PCCA: variants seen among roughly 807,000 people sequenced by gnomAD.
PCCA encodes propionyl-CoA carboxylase subunit alpha, also known as propionyl-CoA carboxylase alpha chain, mitochondrial.
In PCCA, 74 loss-of-function variants were observed where a neutral mutation model predicts 101.3. The observed-to-expected ratio is 0.73, with a 90% CI of 0.61 to 0.89. The LOEUF (loss-of-function observed/expected upper bound fraction) is 0.89, where lower values mean the gene tolerates loss of function less well. Among genes scored for constraint, PCCA ranks in the 40% least tolerant of loss-of-function variants. The pLI, the probability that PCCA is intolerant of heterozygous loss-of-function variation, is 0.00. For missense variants in PCCA, 891 were observed against 907.0 expected (o/e 0.98, Z 0.23); for synonymous variants, 294 against 313.6 (o/e 0.94, Z 0.66).
At chr13:100,218,307 G>T (rs1397002401) in intron 7 of PCCA, among the ~76,000 whole-genome samples, 5 of 151,220 alleles carry the variant, frequency 3.3e-5, no homozygotes, top group Non-Finnish European at 7.4e-5. Flanking sequence ...AAGTAGCTGG[G>T]ATTACAGGCA....
At position 100,181,461 on chromosome 13, in the gene PCCA, C is replaced by T. The variant is rs74872525; in HGVS notation, c.468+24121C>T. Among the ~76,000 whole-genome samples the T allele has an allele frequency of 2.6e-4, 40 of 152,216 alleles. 1 individual carries two copies. In the East Asian group the frequency reaches 5.6e-3, roughly 21 times the overall value. On this transcript the variant is annotated intron_variant, in intron 6 of 23. Transcript: ENST00000376285. ...ACAGGGTGTTGCTCTGCCGCCTAGC[C>T]GGCCAGGCTAGAGTGTGGTAGGGTG...
chr13:100,115,116 G>A (rs190853592), intron 4 of PCCA, among the ~76,000 whole-genome samples: 7 of 152,274 alleles, frequency 4.6e-5, no homozygotes, highest in African/African-American at 1.7e-4. Flanking sequence ...CTTGTCATTT[G>A]CAATAGCATG....
intron 1 of PCCA, 147 bp downstream of exon 1, chr13:100,089,372 C>A: frequency 8.8e-7 from 1 of 1,138,460 alleles, no homozygotes; most frequent in Non-Finnish European, 1.1e-6. Flanking sequence ...TGCTTTCCTC[C>A]CTCCCGGAGT....
At chr13:100,484,729 T>C (rs1397161717) in intron 21 of PCCA, among the ~76,000 whole-genome samples, 1 of 152,180 alleles carries the variant, frequency 6.6e-6, no homozygotes, top group Non-Finnish European at 1.5e-5. Context: ...AAAGAAACCA[T>C]TGTTTTTTCC....
intron 18 of PCCA, among the ~76,000 whole-genome samples, chr13:100,362,108 A>C (rs541282119): frequency 6.6e-6 from 1 of 152,292 alleles, no homozygotes; most frequent in Admixed American, 6.5e-5. Flanking sequence ...GATGCACCTC[A>C]AAAACATTAT....
intron 19 of PCCA, among the ~76,000 whole-genome samples, chr13:100,400,594 G>A (rs2077280313): frequency 7.0e-6 from 1 of 142,274 alleles, no homozygotes; most frequent in South Asian, 2.3e-4. Context: ...ATAATTTTAG[G>A]TGTAATATGA....
intron 19 of PCCA, among the ~76,000 whole-genome samples, chr13:100,386,855 G>A (rs1232817413): frequency 6.6e-6 from 1 of 152,208 alleles, no homozygotes; most frequent in Non-Finnish European, 1.5e-5. Flanking sequence ...TAACAAGTGA[G>A]AAGGATACAT....
intron 16 of PCCA, among the ~76,000 whole-genome samples, chr13:100,317,024 C>T (rs560096027): frequency 9.2e-5 from 14 of 152,150 alleles, no homozygotes; most frequent in South Asian, 8.3e-4. Flanking sequence ...CCGCCTGCCT[C>T]GGCCTCCCAA....
At chr13:100,487,715 A>C (rs9585448) in intron 21 of PCCA, among the ~76,000 whole-genome samples, 1 of 151,754 alleles carries the variant, frequency 6.6e-6, no homozygotes, top group South Asian at 2.1e-4. Flanking sequence ...AAATGCTGCG[A>C]TGGGACCTTT....
At chr13:100,130,900 CT>C (rs1400463041) in intron 4 of PCCA, among the ~76,000 whole-genome samples, 1 of 152,060 alleles carries the variant, frequency 6.6e-6, no homozygotes, top group Admixed American at 6.5e-5. Flanking sequence ...TGTAATTTTT[CT>C]TTTCAGTAAG....
At chr13:100,371,439 G>T (rs1267825682) in intron 19 of PCCA, among the ~76,000 whole-genome samples, 1 of 152,190 alleles carries the variant, frequency 6.6e-6, no homozygotes, top group Non-Finnish European at 1.5e-5. Flanking sequence ...AGGGTATCTT[G>T]TGTCAGGGAC....
At chr13:100,118,912 G>A (rs565737470) in intron 4 of PCCA, among the ~76,000 whole-genome samples, 2 of 152,140 alleles carry the variant, frequency 1.3e-5, no homozygotes, top group East Asian at 3.9e-4. Flanking sequence ...GAATTGTTCT[G>A]TTGTTATGCT....
intron 21 of PCCA, among the ~76,000 whole-genome samples, chr13:100,510,046 G>A (rs1244614229): frequency 1.3e-5 from 2 of 152,114 alleles, no homozygotes; most frequent in Non-Finnish European, 2.9e-5. Context: ...ATATTAAGAT[G>A]AATTCCACAT....
intron 21 of PCCA, among the ~76,000 whole-genome samples, chr13:100,469,731 G>C (rs2082844490): frequency 6.6e-6 from 1 of 150,432 alleles, no homozygotes; most frequent in African/African-American, 2.5e-5. Context: ...AGTAAGCCGA[G>C]ATCTCACCAC....
chr13:100,244,483 C>T (rs888603320), intron 8 of PCCA, among the ~76,000 whole-genome samples: 2 of 152,102 alleles, frequency 1.3e-5, no homozygotes, highest in African/African-American at 4.8e-5. Flanking sequence ...CCTTCATCTT[C>T]TTTCTCTTGT....
intron 21 of PCCA, among the ~76,000 whole-genome samples, chr13:100,460,893 A>T (rs1326416690): frequency 1.3e-5 from 2 of 152,220 alleles, no homozygotes; most frequent in African/African-American, 2.4e-5. Context: ...GCAGGAAGGT[A>T]TGTAAATATG....
chr13:100,175,142 AT>A (rs2152421305), intron 6 of PCCA, among the ~76,000 whole-genome samples: 1 of 152,130 alleles, frequency 6.6e-6, no homozygotes, highest in African/African-American at 2.4e-5. Context: ...ATTATGATTT[AT>A]TTTTTTCTTG....
chr13:100,429,349 A>G (rs1567122224), intron 20 of PCCA, among the ~76,000 whole-genome samples: 2 of 151,954 alleles, frequency 1.3e-5, no homozygotes, highest in Admixed American at 6.6e-5. Flanking sequence ...GCAATTGTTT[A>G]TTCTGAGAAA....
At chr13:100,184,814 T>G (rs2057107399) in intron 6 of PCCA, among the ~76,000 whole-genome samples, 1 of 152,242 alleles carries the variant, frequency 6.6e-6, no homozygotes, top group Admixed American at 6.5e-5. Flanking sequence ...TAAAAAACCT[T>G]TCTTAGCTCA....
Sources: allele counts gnomAD v4.1 joint callset (sites outside exome capture counted in the v4.1 genomes callset), GRCh38; gene constraint gnomAD v4.1.1; transcripts MANE v1.5; gene names NCBI Gene and HGNC (gene_info 2026-07-23, HGNC 2026-07-21).